Variants in TENM4 observed in about 807,000 individuals in gnomAD.
The protein encoded by TENM4 is teneurin-4.
Under a neutral mutation model 243.3 loss-of-function variants are expected in TENM4, and 82 were observed. The observed-to-expected ratio is 0.34, with a 90% CI of 0.28 to 0.40. The LOEUF (loss-of-function observed/expected upper bound fraction) is 0.40, where lower values mean the gene tolerates loss of function less well. TENM4 is among the 10% of genes least tolerant of loss of function. The probability of loss-of-function intolerance (pLI) is 1.00; values close to 1 mark genes in which losing one functional copy is unlikely to be tolerated. For missense variants in TENM4, 3,138 were observed against 3,673.3 expected (o/e 0.85, Z 3.77); for synonymous variants, 1,412 against 1,456.3 (o/e 0.97, Z 0.69).
chr11:79,052,705 TG>T (rs1414978886), intron 6 of TENM4, among the ~76,000 whole-genome samples: 1 of 152,150 alleles, frequency 6.6e-6, no homozygotes, highest in Non-Finnish European at 1.5e-5. Flanking sequence ...TTCAGTCTCT[TG>T]GGGTCGCCAT....
rs147373627 is a variant in TENM4 at position 79,142,427 on chromosome 11, A to AT, written c.-66+6282_-66+6283insA. Among the ~76,000 whole-genome samples, 948 of 152,204 alleles carry AT rather than the reference A, an allele frequency of 6.2e-3. 9 individuals are homozygous for AT. The highest frequency in any genetic ancestry group is 0.021 in the African/African-American group (882 of 41,554). On this transcript the variant is annotated intron_variant, in intron 4 of 33. Transcript: ENST00000278550. ...AAATACCTAGGAATAAAATTTACCA[A>AT]AGAAATAAAAGATCTCTACAATGAA...
chr11:79,365,670 C>G (rs902483637), intron 1 of TENM4, among the ~76,000 whole-genome samples: 7 of 152,178 alleles, frequency 4.6e-5, no homozygotes, highest in African/African-American at 1.7e-4. Flanking sequence ...GCATTAGCAT[C>G]TGACTACTGC....
intron 15 of TENM4, among the ~76,000 whole-genome samples, chr11:78,804,887 G>A (rs191747822): frequency 3.3e-5 from 5 of 152,116 alleles, no homozygotes; most frequent in Non-Finnish European, 7.4e-5. Flanking sequence ...CTGAGAAATG[G>A]GTGAAACTGA....
At chr11:78,784,512 G>T (rs1268394459) in intron 16 of TENM4, among the ~76,000 whole-genome samples, 1 of 152,164 alleles carries the variant, frequency 6.6e-6, no homozygotes, top group Non-Finnish European at 1.5e-5. Context: ...CGAAGAAAAT[G>T]CTCACCACAC....
intron 9 of TENM4, among the ~76,000 whole-genome samples, chr11:78,869,387 T>C (rs987745111): frequency 5.9e-5 from 9 of 152,198 alleles, no homozygotes; most frequent in African/African-American, 1.9e-4. Flanking sequence ...TACATAAAAA[T>C]GACCTCAGGA....
chr11:79,368,164 A>G (rs956903521), intron 1 of TENM4, among the ~76,000 whole-genome samples: 1 of 152,206 alleles, frequency 6.6e-6, no homozygotes, highest in Non-Finnish European at 1.5e-5. Flanking sequence ...CACTGTGCTC[A>G]TTGGTCTCCC....
At chr11:79,414,920 G>C (rs973484853) in intron 1 of TENM4, among the ~76,000 whole-genome samples, 4 of 152,066 alleles carry the variant, frequency 2.6e-5, no homozygotes, top group Admixed American at 6.6e-5. Flanking sequence ...ATTTAGACAC[G>C]GCCTCAGCTG....
chr11:79,112,880 T>G (rs1233349559), intron 4 of TENM4, among the ~76,000 whole-genome samples: 1 of 152,194 alleles, frequency 6.6e-6, no homozygotes, highest in Non-Finnish European at 1.5e-5. Context: ...TGGTCACTTA[T>G]ACTTCAAATG....
chr11:79,150,558 T>C (rs7117144), intron 3 of TENM4, among the ~76,000 whole-genome samples: 4,660 of 152,270 alleles, frequency 0.031, 110 homozygotes, highest in Non-Finnish European at 0.045. Context: ...TCTTCACAAA[T>C]CGTTGCCTTG....
intron 1 of TENM4, among the ~76,000 whole-genome samples, chr11:79,420,549 T>C (rs547666179): frequency 2.6e-5 from 4 of 152,350 alleles, no homozygotes; most frequent in Admixed American, 1.3e-4. Flanking sequence ...GGAACTCTTA[T>C]GTGCTATTTA....
rs759431347 is a variant in TENM4, at chr11:78,658,395, C to T, written c.7973G>A (p.Gly2658Asp). 21 of 1,613,934 alleles carry T rather than the reference C, an allele frequency of 1.3e-5. No individual in the cohort carries two copies. Among genetic ancestry groups the T allele is most frequent in the Non-Finnish European group, 1.8e-5 (21 of 1,179,914 alleles). Residue 2658 changes from glycine to aspartate, a missense_variant, in exon 34 of 34, where the codon GGC becomes GAC. Physicochemically the swap from Gly to Asp is moderately conservative, Grantham distance 94 (BLOSUM62 -1). Coordinates refer to ENST00000278550, the MANE Select transcript of TENM4 (RefSeq NM_001098816.3). ...TVSQINTVLN[G>D]RTRRYTDIQL... ...GATGTCTGTGTAGCGTCTAGTCCTGCCATTAAGTACTGTGTTGATCTGGGA... is the reference window on the plus strand; with the variant it reads ...GATGTCTGTGTAGCGTCTAGTCCTGTCATTAAGTACTGTGTTGATCTGGGA...
In TENM4 at chr11:79,148,738, A is replaced by G; in HGVS notation, c.-94T>C. The G allele has an allele frequency of 1.0e-6, 1 of 978,764 alleles. No individual in the cohort carries two copies. The allele number at this position is 978,764 out of a possible 1,614,324, so 60.6% of individuals were successfully genotyped here. A position where few individuals can be genotyped will look rare whatever the true frequency, so the allele number is the denominator to read the frequency against. On this transcript the variant is annotated 5_prime_UTR_variant, in exon 4 of 34. An upstream open reading frame in the 5' UTR loses its in-frame stop. Coordinates refer to ENST00000278550, the MANE Select transcript of TENM4 (RefSeq NM_001098816.3). ...TCTTTAAATCTTCTTAAAAGGGTCT[A>G]AGAATAGTCCTTCAAATAATCCTTG...
At chr11:79,050,488 C>A (rs777839661) in intron 6 of TENM4, among the ~76,000 whole-genome samples, 1 of 152,164 alleles carries the variant, frequency 6.6e-6, no homozygotes, top group Non-Finnish European at 1.5e-5. Flanking sequence ...ATTTGGTTCC[C>A]ATTTGAAGCA....
intron 21 of TENM4, among the ~76,000 whole-genome samples, chr11:78,731,103 GA>G (rs1053058884): frequency 6.6e-6 from 1 of 152,180 alleles, no homozygotes; most frequent in African/African-American, 2.4e-5. Context: ...TGCCCTAACT[GA>G]ACGTGCAGGC....
intron 1 of TENM4, among the ~76,000 whole-genome samples, chr11:79,400,148 CTCCAGGATTATTT>C (rs1858432026): frequency 1.4e-5 from 2 of 147,702 alleles, no homozygotes; most frequent in African/African-American, 5.0e-5. Context: ...CACACACACC[CTCCAGGATTATTT>C]CTCCAAGTCT....
chr11:78,791,677 C>T (rs1000160021), intron 15 of TENM4, among the ~76,000 whole-genome samples: 28 of 152,294 alleles, frequency 1.8e-4, no homozygotes, highest in African/African-American at 6.7e-4. Flanking sequence ...ATCAATTTAG[C>T]ATGAACAAAA....
At chr11:79,245,860 A>T (rs1158000788) in intron 2 of TENM4, among the ~76,000 whole-genome samples, 1 of 149,764 alleles carries the variant, frequency 6.7e-6, no homozygotes, top group East Asian at 2.0e-4. Flanking sequence ...GAATTGCTTG[A>T]ACCAGGGAAG....
At chr11:79,165,676 C>T (rs1254629318) in intron 3 of TENM4, among the ~76,000 whole-genome samples, 3 of 152,098 alleles carry the variant, frequency 2.0e-5, no homozygotes, top group Non-Finnish European at 2.9e-5. Flanking sequence ...GTTTTTGTTG[C>T]ATTTGCTTTC....
chr11:78,734,607 A>G (rs73496560), intron 20 of TENM4, among the ~76,000 whole-genome samples: 2,506 of 151,714 alleles, frequency 0.017, 80 homozygotes, highest in African/African-American at 0.058. Context: ...TGTAGTAGGC[A>G]TTTTCAAAGC....
Sources: gnomAD v4.1 joint callset for allele counts (sites outside exome capture counted in the v4.1 genomes callset) on GRCh38, gnomAD v4.1.1 for gene constraint, MANE v1.5 for transcripts, NCBI Gene and HGNC (gene_info 2026-07-23, HGNC 2026-07-21) for gene names.